Variants in ITSN1 observed in about 807,000 individuals in gnomAD.
ITSN1 encodes intersectin-1.
In ITSN1, 58 loss-of-function variants were observed where a neutral mutation model predicts 239.8. That is an observed-to-expected ratio of 0.24 (90% CI 0.20 to 0.30). The LOEUF (loss-of-function observed/expected upper bound fraction) is 0.30. ITSN1 is among the 10% of genes least tolerant of loss of function. The pLI, the probability that ITSN1 is intolerant of heterozygous loss-of-function variation, is 1.00. For synonymous variants in ITSN1, 780 were observed against 770.8 expected, an observed-to-expected ratio of 1.01 and a Z score of -0.20; for missense variants, 1,558 against 2,103.3, an observed-to-expected ratio of 0.74 and a Z score of 5.07.
Position 33,867,236 on chromosome 21 carries a change from T to C in ITSN1, c.4078T>C (p.Leu1360=), listed in dbSNP as rs148277582. ...ATTTAAAAACATCTCATTTCAGAGA[T>C]TGGCAATGGATCCTCGGTGTAAAGG... ...APDFKEFVKR[L]AMDPRCKGMP... The change falls in exon 33 of 40, where the codon TTG becomes CTG. Residue 1360 remains leucine, a synonymous_variant. Coordinates refer to ENST00000381318, the MANE Select transcript of ITSN1 (RefSeq NM_003024.3). 276 of 1,597,634 alleles carry C rather than the reference T, an allele frequency of 1.7e-4. 1 individual carries two copies. In the African/African-American group the frequency reaches 3.3e-3, roughly 19 times the overall value.
intron 38 of ITSN1, 57 bp downstream of exon 38, chr21:33,885,579 TC>T: frequency 1.6e-6 from 2 of 1,284,786 alleles, no homozygotes; most frequent in Non-Finnish European, 2.3e-6. Context: ...GGGTCCGGGT[TC>T]CCCACACCCC....
At chr21:33,809,334 A>T (rs2072719862) in intron 20 of ITSN1, among the ~76,000 whole-genome samples, 1 of 152,222 alleles carries the variant, frequency 6.6e-6, no homozygotes, top group African/African-American at 2.4e-5. Context: ...GTGACAATAA[A>T]GATTCCCTAA....
intron 1 of ITSN1, among the ~76,000 whole-genome samples, chr21:33,711,554 C>G (rs1464519251): frequency 6.9e-6 from 1 of 145,070 alleles, no homozygotes; most frequent in Admixed American, 6.9e-5. Context: ...GTTTTTTTTT[C>G]TTTCTTTCTT....
intron 29 of ITSN1, chr21:33,838,034 A>G (rs2074686959): frequency 7.1e-6 from 7 of 985,624 alleles, no homozygotes; most frequent in Non-Finnish European, 8.4e-6. Context: ...ATTAATTTCC[A>G]ATGTTTACAT....
intron 7 of ITSN1, among the ~76,000 whole-genome samples, chr21:33,753,766 A>AAAACAAAAC (rs2147520790): frequency 6.9e-6 from 1 of 145,966 alleles, no homozygotes; most frequent in African/African-American, 2.7e-5. Context: ...TTTCTTAAAA[A>AAAACAAAAC]AAAAAAAAAA....
Position 33,767,761 on chromosome 21 carries a change from A to G in ITSN1, c.975A>G (p.Val325=). ...SGISVISSTS[V]DQRLPEEPVL... ...TATCTGTCATAAGCTCAACATCTGT[A>G]GATCAGAGGCTACCAGAGGAACCAG... The change falls in exon 11 of 40, where the codon GTA becomes GTG. Residue 325 remains valine, a synonymous_variant. Transcript: ENST00000381318. The G allele has an allele frequency of 6.2e-7, 1 of 1,613,416 alleles. No individual in the cohort carries two copies. The highest frequency in any genetic ancestry group is 8.5e-7 in the Non-Finnish European group (1 of 1,179,562).
At chr21:33,834,070 T>G (rs1569276526) in intron 27 of ITSN1, among the ~76,000 whole-genome samples, 3 of 152,158 alleles carry the variant, frequency 2.0e-5, no homozygotes, top group African/African-American at 7.2e-5. Flanking sequence ...AATTTTGTGA[T>G]CCACACAGTC....
chr21:33,763,042 G>A (rs2068465207), intron 9 of ITSN1, among the ~76,000 whole-genome samples: 1 of 151,816 alleles, frequency 6.6e-6, no homozygotes, highest in South Asian at 2.1e-4. Flanking sequence ...AAATTAATCA[G>A]GGAATGTTCA....
rs1330584918 is a variant in ITSN1, at chr21:33,888,891, A to G, written c.*591A>G. On this transcript the variant is annotated 3_prime_UTR_variant, in exon 40 of 40. Transcript: ENST00000381318. ...GCTTAGCTCTTTGAAGAGCTGGTCT[A>G]TGGAAGTTTCCAGCATGTGCACCGT... 2 of 152,316 alleles carry G rather than the reference A, an allele frequency of 1.3e-5. No individual in the cohort carries two copies. The highest frequency in any genetic ancestry group is 2.4e-5 in the African/African-American group (1 of 41,446). The allele number at this position is 152,316 out of a possible 1,614,324, so 9.4% of individuals were successfully genotyped here.
Position 33,739,163 on chromosome 21 carries a change from T to C in ITSN1, c.346+3959T>C, listed in dbSNP as rs111452324. On this transcript the variant is annotated intron_variant, in intron 5 of 39. Transcript: ENST00000381318. ...GCTCAGACTGGAGTCTGAACAATGA[T>C]TTTGTTCAACTCCCCTACAGAGAAG... Among the ~76,000 whole-genome samples, 1,094 of 152,280 alleles carry C rather than the reference T, an allele frequency of 7.2e-3. 14 individuals are homozygous for C. Among genetic ancestry groups the C allele is most frequent in the African/African-American group, 0.025 (1,041 of 41,562 alleles).
chr21:33,652,626 C>G (rs747473304), intron 1 of ITSN1, among the ~76,000 whole-genome samples: 3 of 152,152 alleles, frequency 2.0e-5, no homozygotes, highest in African/African-American at 4.8e-5. Context: ...TTCCCCCTAT[C>G]ATGTAAAAGG....
chr21:33,883,657 A>G lies in ITSN1; in HGVS notation c.4662A>G (p.Glu1554=), dbSNP rs1455746095. Residue 1554 remains glutamate (E), a synonymous_variant, in exon 36 of 40, where the codon GAA becomes GAG. Transcript: ENST00000381318. The part of the protein sequence containing the change: ...HIDRVYTLRA[E]SINERTAWVQ... ...ACCGCGTCTATACTCTCCGAGCAGA[A>G]AGCATAAATGAAAGGTGAGACCTGC... 1 of 1,613,444 alleles carries G rather than the reference A, an allele frequency of 6.2e-7. No individual in the cohort carries two copies. The highest frequency in any genetic ancestry group is 1.3e-5 in the African/African-American group (1 of 75,022).
At chr21:33,793,250 G>A (rs900244778) in intron 16 of ITSN1, among the ~76,000 whole-genome samples, 11 of 152,168 alleles carry the variant, frequency 7.2e-5, no homozygotes, top group African/African-American at 2.4e-4. Flanking sequence ...GGGCCTGGAA[G>A]AAACCTACCT....
chr21:33,701,108 C>T (rs1394676678), intron 1 of ITSN1, among the ~76,000 whole-genome samples: 4 of 151,944 alleles, frequency 2.6e-5, no homozygotes, highest in Non-Finnish European at 5.9e-5. Flanking sequence ...TGCCTGGTCT[C>T]AGTAGTTAAG....
intron 26 of ITSN1, 176 bp from the exon 27 acceptor site, chr21:33,829,448 G>T (rs2074164110): frequency 6.1e-6 from 4 of 656,226 alleles, no homozygotes; most frequent in Non-Finnish European, 1.1e-5. Context: ...TGCCGTGTCT[G>T]CCTGGTAGCT....
intron 1 of ITSN1, among the ~76,000 whole-genome samples, chr21:33,703,490 G>GT (rs1295410922): frequency 1.3e-5 from 2 of 152,086 alleles, no homozygotes; most frequent in Admixed American, 6.5e-5. Flanking sequence ...TAGTCTCTAT[G>GT]TTTTTCTATT....
At chr21:33,886,762 A>G (rs1277027724) in intron 39 of ITSN1, among the ~76,000 whole-genome samples, 1 of 152,234 alleles carries the variant, frequency 6.6e-6, no homozygotes, top group African/African-American at 2.4e-5. Flanking sequence ...GCCTCAGCAT[A>G]GTTCTTCAGT....
chr21:33,784,058 C>T (rs2070421764), intron 16 of ITSN1, among the ~76,000 whole-genome samples: 1 of 152,002 alleles, frequency 6.6e-6, no homozygotes, highest in Admixed American at 6.6e-5. Flanking sequence ...ATTTTAGCCC[C>T]CTTTTCCACT....
At chr21:33,687,483 A>G (rs2091308879) in intron 1 of ITSN1, among the ~76,000 whole-genome samples, 1 of 151,846 alleles carries the variant, frequency 6.6e-6, no homozygotes, top group African/African-American at 2.4e-5. Context: ...ATAATAAGAC[A>G]ATCTGAAATG....
Sources: allele counts gnomAD v4.1 joint callset (sites outside exome capture counted in the v4.1 genomes callset), GRCh38; gene constraint gnomAD v4.1.1; transcripts MANE v1.5; gene names NCBI Gene and HGNC (gene_info 2026-07-23, HGNC 2026-07-21).